The following FRMPD2 variants were observed in gnomAD, a reference collection of about 807,000 sequenced individuals.
FRMPD2 encodes the protein FERM and PDZ domain containing 2, also known as FERM and PDZ domain-containing protein 2.
In FRMPD2, 96 loss-of-function variants were observed where a neutral mutation model predicts 140.1. That is an observed-to-expected ratio of 0.69 (90% CI 0.58 to 0.81). The LOEUF is 0.81. Among genes scored for constraint, FRMPD2 ranks in the 40% least tolerant of loss-of-function variants. The pLI is 0.00. For missense variants in FRMPD2, 1,240 were observed against 1,447.4 expected (o/e 0.86, Z 2.32); for synonymous variants, 449 against 547.6 (o/e 0.82, Z 2.52).
chr10:48,240,968 T>C (rs1041623832), intron 5 of FRMPD2, among the ~76,000 whole-genome samples: 2 of 152,196 alleles, frequency 1.3e-5, no homozygotes, highest in Non-Finnish European at 2.9e-5. Flanking sequence ...CAGTGCCCAA[T>C]GAATGTTGAA....
intron 10 of FRMPD2, among the ~76,000 whole-genome samples, chr10:48,230,561 G>C (rs1322510726): frequency 2.6e-5 from 4 of 152,202 alleles, no homozygotes; most frequent in Non-Finnish European, 4.4e-5. Flanking sequence ...GGCCAAACTT[G>C]ATGAGGCTAA....
intron 27 of FRMPD2, among the ~76,000 whole-genome samples, chr10:48,167,954 C>G (rs1588800191): frequency 6.8e-6 from 1 of 148,002 alleles, no homozygotes; most frequent in African/African-American, 2.6e-5. Context: ...CTCTGGGTCT[C>G]CAGCCTGCTG....
intron 7 of FRMPD2, among the ~76,000 whole-genome samples, chr10:48,239,246 G>A (rs1840042871): frequency 6.6e-6 from 1 of 152,250 alleles, no homozygotes; most frequent in South Asian, 2.1e-4. Flanking sequence ...AGAATCATGA[G>A]CTAAATTCAT....
intron 15 of FRMPD2, chr10:48,199,738 T>C (rs1839037835): frequency 6.6e-6 from 1 of 152,222 alleles, no homozygotes; most frequent in Admixed American, 6.5e-5. Context: ...GCAGCCGTTA[T>C]GGCAAGGACC....
At chr10:48,192,653 TG>T in intron 16 of FRMPD2, 30 bp downstream of exon 16, 1 of 1,581,880 alleles carries the variant, frequency 6.3e-7, no homozygotes, top group Non-Finnish European at 8.7e-7. Context: ...CATGGTGGTT[TG>T]GGCCCAGAGA....
At chr10:48,274,395 A>G (rs565791613) in intron 1 of FRMPD2, 148 bp downstream of exon 1, 1 of 721,880 alleles carries the variant, frequency 1.4e-6, no homozygotes, top group East Asian at 2.5e-5. Context: ...CCTGGAACAA[A>G]TAATACTCCA....
At chr10:48,174,070 A>C (rs1275663205) in intron 24 of FRMPD2, among the ~76,000 whole-genome samples, 5 of 152,250 alleles carry the variant, frequency 3.3e-5, no homozygotes, top group African/African-American at 7.2e-5. Flanking sequence ...GGTCAACCAA[A>C]GTCACTAATA....
intron 3 of FRMPD2, among the ~76,000 whole-genome samples, chr10:48,247,305 T>C (rs1840272411): frequency 6.6e-6 from 1 of 152,200 alleles, no homozygotes; most frequent in South Asian, 2.1e-4. Context: ...AGTACTGGGA[T>C]GGTCAGGAGC....
intron 10 of FRMPD2, among the ~76,000 whole-genome samples, chr10:48,231,621 A>G (rs980689341): frequency 6.6e-6 from 1 of 152,162 alleles, no homozygotes; most frequent in Non-Finnish European, 1.5e-5. Flanking sequence ...TAATTCCCAA[A>G]TACACTCATT....
chr10:48,262,318 C>G (rs7073154), intron 1 of FRMPD2, among the ~76,000 whole-genome samples: 1 of 152,062 alleles, frequency 6.6e-6, no homozygotes, highest in Non-Finnish European at 1.5e-5. Flanking sequence ...TATGCTAACA[C>G]AAATTAAAAG....
intron 21 of FRMPD2, chr10:48,178,828 C>T (rs1838474736): frequency 6.6e-6 from 1 of 152,450 alleles, no homozygotes; most frequent in African/African-American, 2.4e-5. Flanking sequence ...CAGAGGAAGG[C>T]CTGGGGTGAA....
chr10:48,173,628 T>C (rs1397856153), intron 24 of FRMPD2, among the ~76,000 whole-genome samples: 33 of 152,276 alleles, frequency 2.2e-4, no homozygotes, highest in African/African-American at 4.6e-4. Context: ...TGCCAGTGAA[T>C]TGGTCTAAGA....
At chr10:48,175,590 CTT>C (rs1838385306) in intron 23 of FRMPD2, among the ~76,000 whole-genome samples, 1 of 151,772 alleles carries the variant, frequency 6.6e-6, no homozygotes, top group Non-Finnish European at 1.5e-5. Flanking sequence ...CAACACAAGT[CTT>C]TTAAGTCTTC....
intron 16 of FRMPD2, among the ~76,000 whole-genome samples, chr10:48,188,267 G>A (rs2131842721): frequency 1.3e-5 from 2 of 152,332 alleles, no homozygotes; most frequent in South Asian, 4.1e-4. Flanking sequence ...CCTTGGAGCT[G>A]TGACACCAGG....
intron 2 of FRMPD2, 128 bp from the exon 3 acceptor site, chr10:48,249,306 G>A: frequency 5.0e-6 from 4 of 794,074 alleles, no homozygotes; most frequent in Non-Finnish European, 2.0e-6. Context: ...ACCCAGAGGA[G>A]ACATGGAACA....
chr10:48,183,474 C>T (rs1340200144), intron 20 of FRMPD2, among the ~76,000 whole-genome samples: 1 of 152,088 alleles, frequency 6.6e-6, no homozygotes, highest in Non-Finnish European at 1.5e-5. Context: ...TGAAGAAAAG[C>T]ATCATCAAAA....
At chr10:48,211,738 C>G (rs1263471943) in intron 13 of FRMPD2, among the ~76,000 whole-genome samples, 1 of 152,038 alleles carries the variant, frequency 6.6e-6, no homozygotes, top group Middle Eastern at 3.2e-3. Flanking sequence ...CACACCCACC[C>G]CAGCTCACTA....
At chr10:48,178,024 C>T (rs1427732447) in intron 22 of FRMPD2, 23 bp downstream of exon 22, 1 of 1,373,498 alleles carries the variant, frequency 7.3e-7, no homozygotes, top group Non-Finnish European at 1.0e-6. Flanking sequence ...AACTGCTTTT[C>T]AAGCTCTCCT....
intron 28 of FRMPD2, among the ~76,000 whole-genome samples, chr10:48,160,226 A>G (rs1464138235): frequency 6.6e-6 from 1 of 151,620 alleles, no homozygotes; most frequent in Non-Finnish European, 1.5e-5. Context: ...AGATATTTTT[A>G]TAAAGATCTA....
Sources: gnomAD v4.1 joint callset for allele counts (sites outside exome capture counted in the v4.1 genomes callset) on GRCh38, gnomAD v4.1.1 for gene constraint, MANE v1.5 for transcripts, NCBI Gene and HGNC (gene_info 2026-07-23, HGNC 2026-07-21) for gene names.